ULK4: variants seen among roughly 807,000 people sequenced by gnomAD.
ULK4 encodes the protein inactive serine/threonine-protein kinase ULK4.
Under a neutral mutation model 160.6 loss-of-function variants are expected in ULK4, and 133 were observed. The ratio of observed to expected loss-of-function variants is 0.83; its 90% CI spans 0.72 to 0.96. The LOEUF (loss-of-function observed/expected upper bound fraction) is 0.96. Ranked by LOEUF, ULK4 falls within the 40% of genes least tolerant of loss-of-function variation. The probability of loss-of-function intolerance (pLI) is 0.00; values close to 1 mark genes in which losing one functional copy is unlikely to be tolerated. For missense variants in ULK4, 1,580 were observed against 1,499.5 expected, an observed-to-expected ratio of 1.05 and a Z score of -0.89; for synonymous variants, 534 against 539.8, an observed-to-expected ratio of 0.99 and a Z score of 0.15.
rs905428326 is a variant in ULK4, at chr3:41,858,669, GA to G, written c.1657-22699del. 1.3e-4 allele frequency among the ~76,000 whole-genome samples: 17 copies of G among 127,040 alleles called. No individual in the cohort carries two copies. The East Asian group carries it at 3.3e-3, about 24-fold the overall frequency. The allele number at this position is 127,040 out of a possible 152,430, so 83.3% of individuals were successfully genotyped here. On this transcript the variant is annotated intron_variant, in intron 17 of 36. Coordinates refer to ENST00000301831, the MANE Select transcript of ULK4 (RefSeq NM_017886.4). ...CACCATGCTTGGCTAATTTTTGTGT[GA>G]TTTTTTTTTTTTTTTGTAGAGACAA...
chr3:41,759,197 A>G (rs1371224439), intron 21 of ULK4, among the ~76,000 whole-genome samples: 1 of 152,198 alleles, frequency 6.6e-6, no homozygotes, highest in African/African-American at 2.4e-5. Context: ...AAGAAGAAAA[A>G]TAAATAAAAG....
At position 41,564,888 on chromosome 3, in the gene ULK4, C is replaced by A. The variant is rs575417652; in HGVS notation, c.3226+1137G>T. Among the ~76,000 whole-genome samples the A allele has an allele frequency of 1.3e-5, 2 of 152,340 alleles. 1 individual carries two copies. Among genetic ancestry groups the A allele is most frequent in the African/African-American group, 4.8e-5 (2 of 41,584 alleles). ...CACCCAGTCACTGACTCCCTCAGGG[C>A]AACTTTCAGTCCTTCAAGCTCCATC... On this transcript the variant is annotated intron_variant, in intron 32 of 36. Transcript: ENST00000301831.
At chr3:41,289,984 T>C (rs2079531253) in intron 35 of ULK4, among the ~76,000 whole-genome samples, 1 of 152,136 alleles carries the variant, frequency 6.6e-6, no homozygotes, top group Non-Finnish European at 1.5e-5. Context: ...CAAGAGATTC[T>C]CCTGTCTCAG....
intron 32 of ULK4, among the ~76,000 whole-genome samples, chr3:41,501,785 G>C (rs1334342112): frequency 6.6e-6 from 1 of 152,004 alleles, no homozygotes; most frequent in Admixed American, 6.6e-5. Context: ...CTGAAACTTT[G>C]TGTGTTTTAA....
chr3:41,731,774 T>A (rs1014051523), intron 22 of ULK4, among the ~76,000 whole-genome samples: 10 of 149,914 alleles, frequency 6.7e-5, no homozygotes, highest in African/African-American at 2.4e-4. Flanking sequence ...GGAACTAGCA[T>A]AAAAACAGAC....
chr3:41,485,671 T>C (rs1389805149), intron 32 of ULK4, among the ~76,000 whole-genome samples: 1 of 152,186 alleles, frequency 6.6e-6, no homozygotes, highest in African/African-American at 2.4e-5. Context: ...TAGAGCAGTA[T>C]TCGATATTCA....
intron 30 of ULK4, among the ~76,000 whole-genome samples, chr3:41,620,524 A>T (rs2033193387): frequency 6.6e-6 from 1 of 152,268 alleles, no homozygotes; most frequent in Non-Finnish European, 1.5e-5. Flanking sequence ...CCACATGATT[A>T]TCTCAATAGA....
At chr3:41,853,332 T>C (rs1198351488) in intron 17 of ULK4, among the ~76,000 whole-genome samples, 2 of 152,132 alleles carry the variant, frequency 1.3e-5, no homozygotes, top group African/African-American at 4.8e-5. Flanking sequence ...CCCATATAGC[T>C]TTAAAGACTA....
At chr3:41,358,132 C>G (rs1385561670) in intron 35 of ULK4, among the ~76,000 whole-genome samples, 1 of 152,194 alleles carries the variant, frequency 6.6e-6, no homozygotes, top group African/African-American at 2.4e-5. Context: ...TCTCTAGCTA[C>G]AGGACATTGG....
chr3:41,601,176 T>G (rs2032035200), intron 31 of ULK4, among the ~76,000 whole-genome samples: 1 of 152,070 alleles, frequency 6.6e-6, no homozygotes, highest in Admixed American at 6.5e-5. Context: ...AGTCACAAAT[T>G]ATCAAATTAG....
At chr3:41,919,320 G>A (rs892530682) in intron 6 of ULK4, among the ~76,000 whole-genome samples, 10 of 151,966 alleles carry the variant, frequency 6.6e-5, no homozygotes, top group Non-Finnish European at 1.3e-4. Flanking sequence ...CAGTTTTTTT[G>A]GCCAGGCACA....
At chr3:41,366,574 CTT>C (rs1559547708) in intron 35 of ULK4, among the ~76,000 whole-genome samples, 3 of 148,824 alleles carry the variant, frequency 2.0e-5, no homozygotes, top group African/African-American at 7.6e-5. Context: ...CACACACACA[CTT>C]TATCTATATA....
intron 35 of ULK4, among the ~76,000 whole-genome samples, chr3:41,381,398 T>C (rs1320542881): frequency 1.3e-5 from 2 of 152,206 alleles, no homozygotes; most frequent in African/African-American, 2.4e-5. Flanking sequence ...TCCAGGCCTA[T>C]AGAGCCAACT....
chr3:41,474,085 C>A (rs888491393), intron 32 of ULK4, among the ~76,000 whole-genome samples: 1 of 152,078 alleles, frequency 6.6e-6, no homozygotes, highest in Non-Finnish European at 1.5e-5. Flanking sequence ...AAGCTAGAGA[C>A]GTCACACTTC....
chr3:41,253,136 G>C (rs1001879503), intron 35 of ULK4, among the ~76,000 whole-genome samples: 1 of 151,944 alleles, frequency 6.6e-6, no homozygotes, highest in Non-Finnish European at 1.5e-5. Context: ...TAGAAGCAGA[G>C]CTGCTATAAA....
Position 41,912,909 on chromosome 3 carries a change from A to C in ULK4, c.804-10T>G. On this transcript the variant is annotated splice_polypyrimidine_tract_variant and intron_variant, in intron 8 of 36. Coordinates refer to ENST00000301831, the MANE Select transcript of ULK4 (RefSeq NM_017886.4). Reference sequence around the variant, plus strand: ...CCTTGTCCAAGTCAATCTTTAAAAAACATAAATGTTAAAACTCTACTTTAA... The same window carrying C: ...CCTTGTCCAAGTCAATCTTTAAAAACCATAAATGTTAAAACTCTACTTTAA... The C allele has an allele frequency of 6.2e-7, 1 of 1,613,556 alleles. No homozygotes were observed. Among genetic ancestry groups the C allele is most frequent in the Non-Finnish European group, 8.5e-7 (1 of 1,179,698 alleles).
chr3:41,872,522 C>T (rs1219983270), intron 17 of ULK4, among the ~76,000 whole-genome samples: 2 of 152,152 alleles, frequency 1.3e-5, no homozygotes, highest in African/African-American at 4.8e-5. Flanking sequence ...TTGGTGTGAA[C>T]TTAGCACATC....
At chr3:41,740,883 T>A (rs1242139361) in intron 22 of ULK4, among the ~76,000 whole-genome samples, 1 of 151,976 alleles carries the variant, frequency 6.6e-6, no homozygotes, top group East Asian at 1.9e-4. Context: ...CTCTTTTGCA[T>A]ACCTTTATAT....
At chr3:41,314,810 T>C (rs1199896462) in intron 35 of ULK4, among the ~76,000 whole-genome samples, 1 of 137,888 alleles carries the variant, frequency 7.3e-6, no homozygotes, top group Non-Finnish European at 1.5e-5. Context: ...TTTGGTGCAG[T>C]GTGTCTGTGT....
Sources: gnomAD v4.1 joint callset for allele counts (sites outside exome capture counted in the v4.1 genomes callset) on GRCh38, gnomAD v4.1.1 for gene constraint, MANE v1.5 for transcripts, NCBI Gene and HGNC (gene_info 2026-07-23, HGNC 2026-07-21) for gene names.